Variants in TEN1 observed in about 807,000 individuals in gnomAD.
TEN1 encodes the protein TEN1 subunit of CST complex.
A neutral mutation model predicts 9.3 loss-of-function variants in TEN1; 6 were observed. The ratio of observed to expected loss-of-function variants is 0.65; its 90% CI spans 0.35 to 1.27. The LOEUF (loss-of-function observed/expected upper bound fraction) is 1.27, where lower values mean the gene tolerates loss of function less well. Among genes scored for constraint, TEN1 ranks in the 50% most tolerant of loss-of-function variants. The pLI is 0.03. For missense variants in TEN1, 149 were observed against 158.2 expected, an observed-to-expected ratio of 0.94 and a Z score of 0.31; for synonymous variants, 65 against 65.6, an observed-to-expected ratio of 0.99 and a Z score of 0.04.
At chr17:75,979,866 C>T (rs2066103056) in intron 1 of TEN1, among the ~76,000 whole-genome samples, 1 of 151,198 alleles carries the variant, frequency 6.6e-6, no homozygotes, top group Non-Finnish European at 1.5e-5. Flanking sequence ...GAGCGCTGTT[C>T]AAGGGGTGGA....
At position 75,981,467 on chromosome 17, in the gene TEN1, G is replaced by A. The variant is rs1458188803; in HGVS notation, c.-7+1956G>A. Among the ~76,000 whole-genome samples, 8 of 152,072 alleles carry A rather than the reference G, an allele frequency of 5.3e-5. No homozygotes were observed. In the East Asian group the frequency reaches 5.8e-4, roughly 11 times the overall value. On this transcript the variant is annotated intron_variant, in intron 1 of 3. Coordinates refer to ENST00000397640, the MANE Select transcript of TEN1 (RefSeq NM_001113324.3). Reference sequence around the variant, plus strand: ...CTTCCAAAGTGCTGAGATTACAGGCGTGAGCCACTGCGCCTGGCTGGCTGA... The same window carrying A: ...CTTCCAAAGTGCTGAGATTACAGGCATGAGCCACTGCGCCTGGCTGGCTGA...
chr17:76,000,491 TGGCCGAGCTTGGGCGCCGG>T lies in TEN1; in HGVS notation c.*235_*253del. On this transcript the variant is annotated 3_prime_UTR_variant, in exon 4 of 4. Coordinates refer to ENST00000397640, the MANE Select transcript of TEN1 (RefSeq NM_001113324.3). The surrounding 1 kb of genome is among the most constrained non-coding windows in gnomAD (Gnocchi z 5.9). ...CAGCCCCACCCCAGGAGACTGCAGG[TGGCCGAGCTTGGGCGCCGG>T]GGCCGTGCTTGGTGTGGGGCCATGG... is the stretch of plus-strand genomic sequence containing the variant. 1 of 602,080 alleles carries T rather than the reference TGGCCGAGCTTGGGCGCCGG, an allele frequency of 1.7e-6. No individual in the cohort carries two copies. The highest frequency in any genetic ancestry group is 2.7e-6 in the Non-Finnish European group (1 of 374,532). 37.3% of individuals were successfully genotyped at this position (602,080 alleles called of 1,614,324 possible).
Position 76,000,146 on chromosome 17 carries a change from G to C in TEN1, c.256G>C (p.Gly86Arg). 6.4e-7 allele frequency: 1 copy of C among 1,551,094 alleles called. No individual in the cohort carries two copies. Among genetic ancestry groups the C allele is most frequent in the East Asian group, 2.4e-5 (1 of 40,910 alleles). Reference protein sequence around the residue: ...LGELQHQQDRGSVVKARVLTC... With the variant: ...LGELQHQQDRRSVVKARVLTC... ...CCCTGGTGTTTGTCTTGCAGACAGAGGCTCCGTGGTGAAGGCGCGCGTGCT... is the reference window on the plus strand; with the variant it reads ...CCCTGGTGTTTGTCTTGCAGACAGACGCTCCGTGGTGAAGGCGCGCGTGCT... The change falls in exon 4 of 4, where the codon GGC becomes CGC. Residue 86 changes from glycine to arginine, a missense_variant. Transcript: ENST00000397640. This position sits in a 1 kb window ranked among gnomAD's most constrained non-coding sequence, Gnocchi z 5.9.
intron 3 of TEN1, among the ~76,000 whole-genome samples, chr17:75,996,894 T>C (rs576177941): frequency 4.0e-4 from 61 of 152,180 alleles, no homozygotes; most frequent in African/African-American, 1.4e-3. Flanking sequence ...CCACAGAGTC[T>C]GGAGCAGGGC....
chr17:75,997,126 G>A (rs2066222598), intron 3 of TEN1, among the ~76,000 whole-genome samples: 2 of 151,988 alleles, frequency 1.3e-5, no homozygotes, highest in Non-Finnish European at 2.9e-5. Context: ...CAGGACTCCC[G>A]GGCTTTCTCC....
At position 75,979,555 on chromosome 17, in the gene TEN1, G is replaced by A. The variant is rs2066098143; in HGVS notation, c.-7+44G>A. On this transcript the variant is annotated intron_variant, in intron 1 of 3. Transcript: ENST00000397640. ...AAGGGGGCGGGACAACGAGGCTGAG[G>A]AGGGATTGCGCCTGCACTTGCCCCC... 1.1e-5 allele frequency: 3 copies of A among 284,954 alleles called. 1 individual carries two copies. The highest frequency in any genetic ancestry group is 6.1e-5 in the South Asian group (2 of 32,642). 17.7% of individuals were successfully genotyped at this position (284,954 alleles called of 1,614,324 possible). A position where few individuals can be genotyped will look rare whatever the true frequency, so the allele number is the denominator to read the frequency against.
chr17:75,991,551 A>G lies in TEN1; in HGVS notation c.178A>G (p.Lys60Glu). ...SDQHQVLVCT[K>E]LVEPFHAQVG... The stretch of plus-strand genomic sequence containing the variant: ...TCAGCACCAGGTTCTTGTCTGTACC[A>G]AGTTGGTGGAGCCCTTCCACGCCCA... Residue 60 changes from lysine (K) to glutamate (E), a missense_variant, in exon 3 of 4, where the codon AAG (lysine) becomes GAG (glutamate). Physicochemically the swap from Lys to Glu is moderately conservative, Grantham distance 56. Coordinates refer to ENST00000397640, the MANE Select transcript of TEN1 (RefSeq NM_001113324.3). The G allele has an allele frequency of 1.9e-6, 3 of 1,552,300 alleles. No individual in the cohort carries two copies. The highest frequency in any genetic ancestry group is 1.7e-6 in the Non-Finnish European group (2 of 1,147,120).
intron 1 of TEN1, among the ~76,000 whole-genome samples, chr17:75,985,972 G>A (rs2066149801): frequency 6.6e-6 from 1 of 151,734 alleles, no homozygotes; most frequent in Non-Finnish European, 1.5e-5. Context: ...CATGTGCCAT[G>A]TTGGTGTGCT....
At chr17:75,986,404 TAA>T in intron 2 of TEN1, 120 bp downstream of exon 2, 6 of 950,298 alleles carry the variant, frequency 6.3e-6, no homozygotes, top group Non-Finnish European at 8.7e-6. Flanking sequence ...GTTAAAATAC[TAA>T]AAAAAAAATT....
intron 3 of TEN1, among the ~76,000 whole-genome samples, chr17:75,994,219 GA>G (rs1205870840): frequency 1.3e-5 from 2 of 151,772 alleles, no homozygotes; most frequent in African/African-American, 4.8e-5. Flanking sequence ...AGGATCACCG[GA>G]GGTCGGAAAT....
At chr17:75,997,564 C>CT (rs1408606676) in intron 3 of TEN1, among the ~76,000 whole-genome samples, 3 of 152,174 alleles carry the variant, frequency 2.0e-5, no homozygotes, top group African/African-American at 7.2e-5. Flanking sequence ...TTCCTCTAGT[C>CT]TAAGAGGAAG....
chr17:75,992,705 G>A (rs1308400840), intron 3 of TEN1, among the ~76,000 whole-genome samples: 2 of 151,438 alleles, frequency 1.3e-5, no homozygotes, highest in South Asian at 2.1e-4. Flanking sequence ...GTAGAGACGG[G>A]GTTTCACCGT....
chr17:75,988,906 T>G (rs1350087673), intron 2 of TEN1, among the ~76,000 whole-genome samples: 5 of 143,566 alleles, frequency 3.5e-5, no homozygotes, highest in East Asian at 4.3e-4. Context: ...GAGTAGCTGG[T>G]ATTACAGGCA....
rs2066097105 is a variant in TEN1, at chr17:75,979,492, A to T, written c.-26A>T. 2.1e-5 allele frequency: 7 copies of T among 334,836 alleles called. No individual in the cohort carries two copies. The East Asian group carries it at 5.2e-4, about 25-fold the overall frequency. 20.7% of individuals were successfully genotyped at this position (334,836 alleles called of 1,614,324 possible). A position where few individuals can be genotyped will look rare whatever the true frequency, so the allele number is the denominator to read the frequency against. The stretch of plus-strand genomic sequence containing the variant: ...CGAGGCGGAAAGAAGAAATCCGAGG[A>T]CCGGCGACGCCTAGAACAGGTTGGC... On this transcript the variant is annotated 5_prime_UTR_variant, in exon 1 of 4. Coordinates refer to ENST00000397640, the MANE Select transcript of TEN1 (RefSeq NM_001113324.3).
chr17:75,991,785 A>T (rs902082072), intron 3 of TEN1, among the ~76,000 whole-genome samples, 162 bp downstream of exon 3: 1 of 152,100 alleles, frequency 6.6e-6, no homozygotes, highest in African/African-American at 2.4e-5. Flanking sequence ...TGAGGATTCA[A>T]CTCAGAGTGG....
intron 2 of TEN1, 41 bp from the exon 3 acceptor site, chr17:75,991,425 T>C: frequency 6.5e-7 from 1 of 1,547,466 alleles, no homozygotes; most frequent in Non-Finnish European, 8.7e-7. Context: ...GTGGTGATTC[T>C]ACGTATGGAT....
At chr17:75,987,683 G>C (rs1009336167) in intron 2 of TEN1, among the ~76,000 whole-genome samples, 1 of 151,390 alleles carries the variant, frequency 6.6e-6, no homozygotes, top group Non-Finnish European at 1.5e-5. Flanking sequence ...TTGGGAGGCC[G>C]AGGCAGGCGG....
Position 76,000,242 on chromosome 17 carries a change from G to T in TEN1, c.352G>T (p.Glu118Ter). 2 of 1,551,222 alleles carry T rather than the reference G, an allele frequency of 1.3e-6. No individual in the cohort carries two copies. Among genetic ancestry groups the T allele is most frequent in the South Asian group, 1.2e-5 (1 of 84,040 alleles). The change falls in exon 4 of 4, where the codon GAG becomes TAG. Residue 118 changes from glutamate (E) to a stop codon, truncating the protein, a stop_gained. Transcript: ENST00000397640. LOFTEE classifies it high-confidence loss of function. The surrounding 1 kb of genome is among the most constrained non-coding windows in gnomAD (Gnocchi z 5.9). Reference protein sequence around the residue: ...AIREQRLYKQERGGSQ With the variant: ...AIREQRLYKQ ...CCGGGAGCAGAGACTGTACAAGCAG[G>T]AGCGGGGCGGCAGCCAGTAGGAAAC...
At chr17:75,983,225 G>A (rs2066133082) in intron 1 of TEN1, among the ~76,000 whole-genome samples, 1 of 151,908 alleles carries the variant, frequency 6.6e-6, no homozygotes, top group South Asian at 2.1e-4. Flanking sequence ...TGGTTACAGT[G>A]AGCCGAGATC....
Sources: allele counts gnomAD v4.1 joint callset (sites outside exome capture counted in the v4.1 genomes callset), GRCh38; gene constraint gnomAD v4.1.1; non-coding constraint Gnocchi (gnomAD v3.1); transcripts MANE v1.5; gene names NCBI Gene and HGNC (gene_info 2026-07-23, HGNC 2026-07-21).